FBXO10: variants seen among roughly 807,000 people sequenced by gnomAD.
The protein encoded by FBXO10 is F-box only protein 10.
A neutral mutation model predicts 80.7 loss-of-function variants in FBXO10; 39 were observed. The observed-to-expected ratio is 0.48, with a 90% confidence interval of 0.37 to 0.63. The LOEUF (loss-of-function observed/expected upper bound fraction) is 0.63, where lower values mean the gene tolerates loss of function less well. Ranked by LOEUF, FBXO10 falls within the 30% of genes least tolerant of loss-of-function variation. FBXO10 has a pLI of 0.00. For synonymous variants in FBXO10, 449 were observed against 489.6 expected (o/e 0.92, Z 1.09); for missense variants, 1,025 against 1,269.0 (o/e 0.81, Z 2.92).
chr9:37,559,293 T>C (rs1033675364), intron 1 of FBXO10, among the ~76,000 whole-genome samples: 3 of 152,174 alleles, frequency 2.0e-5, no homozygotes, highest in African/African-American at 4.8e-5. Context: ...TCCCTGGTGA[T>C]TGTGATAAAG....
intron 1 of FBXO10, among the ~76,000 whole-genome samples, chr9:37,557,803 TG>T (rs1297521801): frequency 1.3e-5 from 2 of 152,244 alleles, no homozygotes; most frequent in African/African-American, 4.8e-5. Context: ...CTAGCTGTCC[TG>T]GTTTCATTTT....
At chr9:37,564,909 A>G (rs1822567163) in intron 1 of FBXO10, among the ~76,000 whole-genome samples, 1 of 152,236 alleles carries the variant, frequency 6.6e-6, no homozygotes, top group South Asian at 2.1e-4. Flanking sequence ...GTGTTTTGAA[A>G]TATGAAGACA....
intron 1 of FBXO10, among the ~76,000 whole-genome samples, chr9:37,545,420 G>C (rs1406745450): frequency 6.6e-6 from 1 of 152,026 alleles, no homozygotes; most frequent in African/African-American, 2.4e-5. Flanking sequence ...CTTGTGATCT[G>C]CCCATCTTGG....
At chr9:37,554,910 A>G (rs1391998414) in intron 1 of FBXO10, among the ~76,000 whole-genome samples, 1 of 152,200 alleles carries the variant, frequency 6.6e-6, no homozygotes, top group East Asian at 1.9e-4. Context: ...ATTCTTATAT[A>G]AGTGTTTTTG....
At chr9:37,533,110 C>T (rs1821669728) in intron 3 of FBXO10, among the ~76,000 whole-genome samples, 1 of 152,202 alleles carries the variant, frequency 6.6e-6, no homozygotes, top group Non-Finnish European at 1.5e-5. Flanking sequence ...CAGCAACCTG[C>T]TAATAAAGGG....
intron 1 of FBXO10, among the ~76,000 whole-genome samples, chr9:37,574,294 A>G (rs1159395938): frequency 6.6e-6 from 1 of 152,140 alleles, no homozygotes; most frequent in Non-Finnish European, 1.5e-5. Context: ...GGAGGGAGGG[A>G]AGGAAGGGAT....
chr9:37,543,010 C>A (rs1454161089), intron 1 of FBXO10, among the ~76,000 whole-genome samples: 1 of 151,292 alleles, frequency 6.6e-6, no homozygotes, highest in African/African-American at 2.5e-5. Flanking sequence ...GAGGCAGTGA[C>A]TGTCCATCTG....
chr9:37,512,968 T>C (rs1362369327), intron 10 of FBXO10, among the ~76,000 whole-genome samples: 1 of 152,250 alleles, frequency 6.6e-6, no homozygotes. Context: ...AAGGTCCCTC[T>C]GTAGGCCTCA....
Position 37,512,646 on chromosome 9 carries a change from G to A in FBXO10, c.2772C>T (p.Ala924=). The A allele has an allele frequency of 6.2e-7, 1 of 1,613,986 alleles. No homozygotes were observed. Among genetic ancestry groups the A allele is most frequent in the East Asian group, 2.2e-5 (1 of 44,884 alleles). ...LENSLRRPSA[A]HNGQKVTAMA... ...TGGCTGTCACCTTCTGCCCATTGTG[G>A]GCTGCCGAGGGACGTCTGAGAGAAT... Residue 924 remains alanine, a synonymous_variant, in exon 11 of 11, where the codon GCC becomes GCT. Coordinates refer to ENST00000432825, the MANE Select transcript of FBXO10 (RefSeq NM_012166.3).
intron 8 of FBXO10, among the ~76,000 whole-genome samples, chr9:37,518,749 C>T (rs902155890): frequency 2.0e-5 from 3 of 152,134 alleles, no homozygotes; most frequent in African/African-American, 7.2e-5. Context: ...CCTGCACCAC[C>T]GCCATCCTAC....
At chr9:37,569,955 A>G (rs909221053) in intron 1 of FBXO10, among the ~76,000 whole-genome samples, 5 of 152,270 alleles carry the variant, frequency 3.3e-5, no homozygotes, top group African/African-American at 1.2e-4. Flanking sequence ...CATTTCTCGA[A>G]TATAATATCT....
intron 3 of FBXO10, among the ~76,000 whole-genome samples, chr9:37,534,568 C>T (rs1821709651): frequency 1.3e-5 from 2 of 152,232 alleles, no homozygotes; most frequent in South Asian, 2.1e-4. Flanking sequence ...CTAACATTTT[C>T]AATGCACTGT....
chr9:37,536,106 ATTAAAT>A (rs914439470), intron 3 of FBXO10: 5 of 152,188 alleles, frequency 3.3e-5, no homozygotes, highest in African/African-American at 1.2e-4. Flanking sequence ...GTAAAACACA[ATTAAAT>A]TTAAATTAAT....
Position 37,512,105 on chromosome 9 carries a change from G to GAGAC in FBXO10, c.*438_*441dup, listed in dbSNP as rs1821071154. The GAGAC allele has an allele frequency of 6.5e-6, 1 of 152,972 alleles. No homozygotes were observed. Among genetic ancestry groups the GAGAC allele is most frequent in the Non-Finnish European group, 1.5e-5 (1 of 68,650 alleles). 9.5% of individuals were successfully genotyped at this position (152,972 alleles called of 1,614,324 possible). ...TGGGGTCCCTGGAGGGATTGAGAGG[G>GAGAC]AGACAGCTCTAGCAAAGGGGAAAAT... is the stretch of plus-strand genomic sequence containing the variant. On this transcript the variant is annotated 3_prime_UTR_variant, in exon 11 of 11. Coordinates refer to ENST00000432825, the MANE Select transcript of FBXO10 (RefSeq NM_012166.3).
intron 5 of FBXO10, among the ~76,000 whole-genome samples, chr9:37,526,839 T>TTATG (rs1331846713): frequency 6.7e-6 from 1 of 149,136 alleles, no homozygotes; most frequent in Non-Finnish European, 1.5e-5. Flanking sequence ...ATTTATTTAT[T>TTATG]TATTTATTTA....
chr9:37,521,855 A>T lies in FBXO10; in HGVS notation c.1931-17T>A. 1 of 1,553,286 alleles carries T rather than the reference A, an allele frequency of 6.4e-7. No homozygotes were observed. Reference sequence around the variant, plus strand: ...CCTTGTTAGCTGGGACAGTGAGAGGAGCTGGTCACCGACACTGAACTCAGG... The same window carrying T: ...CCTTGTTAGCTGGGACAGTGAGAGGTGCTGGTCACCGACACTGAACTCAGG... On this transcript the variant is annotated splice_polypyrimidine_tract_variant and intron_variant, in intron 7 of 10. Transcript: ENST00000432825.
At chr9:37,556,827 G>A (rs1270217394) in intron 1 of FBXO10, among the ~76,000 whole-genome samples, 1 of 152,148 alleles carries the variant, frequency 6.6e-6, no homozygotes, top group Non-Finnish European at 1.5e-5. Flanking sequence ...TTACAGGCGT[G>A]AGCCACCGCA....
At chr9:37,528,227 A>G (rs977637641) in intron 5 of FBXO10, among the ~76,000 whole-genome samples, 2 of 152,214 alleles carry the variant, frequency 1.3e-5, no homozygotes, top group Non-Finnish European at 1.5e-5. Flanking sequence ...CATCTGGCCC[A>G]AGCCTTTCTT....
chr9:37,550,619 A>G (rs1433006842), intron 1 of FBXO10, among the ~76,000 whole-genome samples: 1 of 151,460 alleles, frequency 6.6e-6, no homozygotes, highest in African/African-American at 2.4e-5. Flanking sequence ...TGCTGGGACT[A>G]CAGGCCTGCA....
Sources: gnomAD v4.1 joint callset for allele counts (sites outside exome capture counted in the v4.1 genomes callset) on GRCh38, gnomAD v4.1.1 for gene constraint, MANE v1.5 for transcripts, NCBI Gene and HGNC (gene_info 2026-07-23, HGNC 2026-07-21) for gene names.